The following GABARAPL2 variants were observed in gnomAD, a reference collection of about 807,000 sequenced individuals.
GABARAPL2 encodes the protein GABA type A receptor associated protein like 2, also known as gamma-aminobutyric acid receptor-associated protein-like 2.
GABARAPL2 carries 11 observed loss-of-function variants against 16.9 expected under a neutral mutation model. The ratio of observed to expected loss-of-function variants is 0.65; its 90% CI spans 0.41 to 1.08. The LOEUF is 1.08. Among genes scored for constraint, GABARAPL2 ranks in the 50% least tolerant of loss-of-function variants. The pLI, the probability that GABARAPL2 is intolerant of heterozygous loss-of-function variation, is 0.00. For missense variants in GABARAPL2, 134 were observed against 142.5 expected (o/e 0.94, Z 0.30); for synonymous variants, 57 against 50.7 (o/e 1.12, Z -0.53).
At chr16:75,571,753 T>C (rs1207952577) in intron 3 of GABARAPL2, among the ~76,000 whole-genome samples, 2 of 151,166 alleles carry the variant, frequency 1.3e-5, no homozygotes, top group African/African-American at 4.9e-5. Flanking sequence ...CTCAGCTCAC[T>C]GCAACCTCTG....
At chr16:75,567,010 CCA>C (rs1252757894) in intron 2 of GABARAPL2, 103 bp downstream of exon 2, 2 of 1,017,148 alleles carry the variant, frequency 2.0e-6, no homozygotes, top group East Asian at 2.5e-5. Context: ...GGTTCCAGTC[CCA>C]GTTACAGTAG....
At chr16:75,573,288 G>T (rs763037028) in intron 3 of GABARAPL2, among the ~76,000 whole-genome samples, 1 of 152,198 alleles carries the variant, frequency 6.6e-6, no homozygotes, top group African/African-American at 2.4e-5. Flanking sequence ...TTTTAAGTCT[G>T]TTTGTGGCCC....
rs192871547 is a variant in GABARAPL2, at chr16:75,576,222, C to T, written c.264-1057C>T. 2.7e-4 allele frequency: 41 copies of T among 152,254 alleles called. No individual in the cohort carries two copies. In the East Asian group the frequency reaches 7.5e-3, roughly 28 times the overall value. The allele number at this position is 152,254 out of a possible 1,614,324, so 9.4% of individuals were successfully genotyped here. On this transcript the variant is annotated intron_variant, in intron 3 of 3. Transcript: ENST00000037243. ...ATTCTCATCTACCCACACAGCCATC[C>T]GAGCTAAGCTTGCAAATGGGGCAGG...
intron 3 of GABARAPL2, chr16:75,568,470 C>T (rs994919354): frequency 1.3e-5 from 4 of 307,020 alleles, no homozygotes; most frequent in East Asian, 5.8e-5. Flanking sequence ...TCTTTTAAAA[C>T]GGTTGAGAAC....
chr16:75,569,452 G>C lies in GABARAPL2; in HGVS notation c.263+1243G>C, dbSNP rs567886991. On this transcript the variant is annotated intron_variant, in intron 3 of 3. Coordinates refer to ENST00000037243, the MANE Select transcript of GABARAPL2 (RefSeq NM_007285.7). ...CTAACCTTCCTTCCCAGGCCTCTGG[G>C]CTGTGTCTTCACCAGGGGAGGAAGC... Among the ~76,000 whole-genome samples, 175 of 152,306 alleles carry C rather than the reference G, an allele frequency of 1.1e-3. 1 individual carries two copies. Among genetic ancestry groups the C allele is most frequent in the African/African-American group, 4.1e-3 (169 of 41,564 alleles).
In GABARAPL2 at chr16:75,566,483, C is replaced by T. The variant is rs1302229049; in HGVS notation, c.-4C>T. ...GCCGGTTCCGTCCCCTTCCCGCCGC[C>T]GCCATGAAGTGGATGTTCAAGGAGG... On this transcript the variant is annotated 5_prime_UTR_variant, in exon 1 of 4. Coordinates refer to ENST00000037243, the MANE Select transcript of GABARAPL2 (RefSeq NM_007285.7). The T allele has an allele frequency of 6.2e-7, 1 of 1,605,872 alleles. No individual in the cohort carries two copies. The highest frequency in any genetic ancestry group is 8.5e-7 in the Non-Finnish European group (1 of 1,176,914).
At chr16:75,570,027 T>G (rs6564267) in intron 3 of GABARAPL2, among the ~76,000 whole-genome samples, 69,762 of 151,964 alleles carry the variant, frequency 0.46, 17,491 homozygotes, top group East Asian at 0.87. Context: ...GGCTGTCAGC[T>G]CTTTGGCCCC....
At chr16:75,573,500 C>A (rs1416134690) in intron 3 of GABARAPL2, among the ~76,000 whole-genome samples, 1 of 152,226 alleles carries the variant, frequency 6.6e-6, no homozygotes, top group Non-Finnish European at 1.5e-5. Flanking sequence ...CTACTGCCAA[C>A]TAAGTTTCCA....
At chr16:75,570,020 T>A (rs980707394) in intron 3 of GABARAPL2, among the ~76,000 whole-genome samples, 4 of 152,200 alleles carry the variant, frequency 2.6e-5, no homozygotes, top group Admixed American at 2.0e-4. Context: ...TTGCCCAGGC[T>A]GTCAGCTCTT....
chr16:75,577,205 G>T, intron 3 of GABARAPL2, 74 bp from the exon 4 acceptor site: 1 of 883,206 alleles, frequency 1.1e-6, no homozygotes, highest in Non-Finnish European at 1.9e-6. Context: ...CTAAATTCCT[G>T]TCCTCAGGCC....
At chr16:75,566,804 C>A (rs754578979) in intron 1 of GABARAPL2, 48 bp from the exon 2 acceptor site, 1 of 1,566,078 alleles carries the variant, frequency 6.4e-7, no homozygotes, top group African/African-American at 1.3e-5. Flanking sequence ...GGCCGGGAAC[C>A]GACCGGTGGG....
rs150185855 is a variant in GABARAPL2 at position 75,577,327 on chromosome 16, C to T, written c.312C>T (p.Phe104=). The T allele has an allele frequency of 1.8e-4, 296 of 1,612,986 alleles. 2 individuals are homozygous for T. Among genetic ancestry groups the T allele is most frequent in the South Asian group, 7.5e-4 (68 of 91,046 alleles). ...LYEKEKDEDG[F]LYVAYSGENT... ...AGAAGGAAAAAGATGAAGATGGATT[C>T]TTATATGTGGCCTACAGCGGAGAGA... The change falls in exon 4 of 4, where the codon TTC becomes TTT. Residue 104 remains phenylalanine, a synonymous_variant. Transcript: ENST00000037243.
chr16:75,572,857 C>A (rs942588003), intron 3 of GABARAPL2, among the ~76,000 whole-genome samples: 2 of 152,178 alleles, frequency 1.3e-5, no homozygotes, highest in Non-Finnish European at 2.9e-5. Flanking sequence ...CAGATGAATG[C>A]GTGTGGTACT....
chr16:75,576,513 C>G (rs888744617), intron 3 of GABARAPL2: 1 of 152,232 alleles, frequency 6.6e-6, no homozygotes, highest in African/African-American at 2.4e-5. Flanking sequence ...TCTGGTTGAT[C>G]CCTTCACTCA....
intron 3 of GABARAPL2, among the ~76,000 whole-genome samples, chr16:75,570,632 C>T (rs77035876): frequency 1.5e-3 from 225 of 152,316 alleles, no homozygotes; most frequent in African/African-American, 5.0e-3. Context: ...TCAGTTATTT[C>T]TGCCTTGGAG....
chr16:75,573,316 G>A lies in GABARAPL2; in HGVS notation c.264-3963G>A, dbSNP rs572377504. On this transcript the variant is annotated intron_variant, in intron 3 of 3. Transcript: ENST00000037243. ...TGTGGCCCAGCTCATTTTGGCTGCA[G>A]GCCAAATTATTCTGACTCTGCATGT... Among the ~76,000 whole-genome samples the A allele has an allele frequency of 4.7e-4, 71 of 152,302 alleles. No homozygotes were observed. In the South Asian group the frequency reaches 5.0e-3, roughly 11 times the overall value.
chr16:75,573,664 C>T (rs934914272), intron 3 of GABARAPL2, among the ~76,000 whole-genome samples: 1 of 152,342 alleles, frequency 6.6e-6, no homozygotes, highest in Non-Finnish European at 1.5e-5. Context: ...GTCGCCTTAC[C>T]TGGGAGCTTG....
intron 3 of GABARAPL2, among the ~76,000 whole-genome samples, chr16:75,569,557 A>G (rs1222300518): frequency 6.6e-6 from 1 of 152,168 alleles, no homozygotes; most frequent in Non-Finnish European, 1.5e-5. Context: ...TGCAACTTCT[A>G]CAGAGCCTTG....
intron 3 of GABARAPL2, among the ~76,000 whole-genome samples, chr16:75,571,459 C>T (rs182298697): frequency 3.7e-4 from 56 of 152,288 alleles, no homozygotes; most frequent in African/African-American, 1.3e-3. Context: ...CTCCAAGTCC[C>T]ATTTGCCTTT....
Sources: gnomAD v4.1 joint callset for allele counts (sites outside exome capture counted in the v4.1 genomes callset) on GRCh38, gnomAD v4.1.1 for gene constraint, MANE v1.5 for transcripts, NCBI Gene and HGNC (gene_info 2026-07-23, HGNC 2026-07-21) for gene names.